Variants in MAGI2 observed in about 807,000 individuals in gnomAD.
MAGI2 encodes membrane associated guanylate kinase, WW and PDZ domain containing 2, also known as membrane-associated guanylate kinase, WW and PDZ domain-containing protein 2.
MAGI2 carries 35 observed loss-of-function variants against 133.3 expected under a neutral mutation model. The observed-to-expected ratio is 0.26, with a 90% CI of 0.20 to 0.35. MAGI2 has a LOEUF of 0.35. Ranked by LOEUF, MAGI2 falls within the 10% of genes least tolerant of loss-of-function variation. MAGI2 has a pLI of 1.00. For missense variants in MAGI2, 1,636 were observed against 1,863.4 expected, an observed-to-expected ratio of 0.88 and a Z score of 2.25; for synonymous variants, 729 against 710.6, an observed-to-expected ratio of 1.03 and a Z score of -0.41.
At chr7:78,212,213 G>C (rs965399302) in intron 10 of MAGI2, among the ~76,000 whole-genome samples, 1 of 152,170 alleles carries the variant, frequency 6.6e-6, no homozygotes, top group Admixed American at 6.5e-5. Flanking sequence ...TGTGATAGGT[G>C]GAACAGTGGC....
At chr7:78,767,933 A>C (rs1442011358) in intron 2 of MAGI2, among the ~76,000 whole-genome samples, 1 of 152,198 alleles carries the variant, frequency 6.6e-6, no homozygotes, top group Non-Finnish European at 1.5e-5. Context: ...GTAGCACATA[A>C]ATCTCACTGC....
At chr7:78,387,256 G>T (rs1187050834) in intron 6 of MAGI2, among the ~76,000 whole-genome samples, 1 of 152,188 alleles carries the variant, frequency 6.6e-6, no homozygotes, top group Non-Finnish European at 1.5e-5. Flanking sequence ...ATTTGGAGGT[G>T]AGGACTCAGG....
At chr7:78,980,770 CGTTTTTT>C (rs991624042) in intron 2 of MAGI2, among the ~76,000 whole-genome samples, 18 of 151,246 alleles carry the variant, frequency 1.2e-4, no homozygotes, top group African/African-American at 3.9e-4. Context: ...GGTTCAGTTT[CGTTTTTT>C]GTTTTTTGTT....
chr7:79,044,190 T>C (rs1469949993), intron 1 of MAGI2, among the ~76,000 whole-genome samples: 1 of 152,106 alleles, frequency 6.6e-6, no homozygotes, highest in Non-Finnish European at 1.5e-5. Context: ...ACTAAAATAT[T>C]AGCATCCCAA....
chr7:78,069,351 T>C (rs3807756), intron 21 of MAGI2, among the ~76,000 whole-genome samples: 6,507 of 152,228 alleles, frequency 0.043, 189 homozygotes, highest in South Asian at 0.076. Flanking sequence ...TTTAAAAATA[T>C]AGAGTCCTGG....
At chr7:78,630,938 A>G (rs78757598) in intron 2 of MAGI2, among the ~76,000 whole-genome samples, 309 of 152,154 alleles carry the variant, frequency 2.0e-3, no homozygotes, top group African/African-American at 7.2e-3. Flanking sequence ...ATCCTTTGCC[A>G]TCATCCTGGG....
At chr7:78,251,274 G>C (rs1450895445) in intron 10 of MAGI2, 2 of 152,174 alleles carry the variant, frequency 1.3e-5, no homozygotes, top group Non-Finnish European at 2.9e-5. Context: ...CCTAAAATCA[G>C]ATGTAATGAT....
At chr7:79,061,670 A>G (rs1196076825) in intron 1 of MAGI2, among the ~76,000 whole-genome samples, 2 of 152,128 alleles carry the variant, frequency 1.3e-5, no homozygotes, top group African/African-American at 4.8e-5. Flanking sequence ...TCTACTTTGT[A>G]TGCCAATAAC....
chr7:78,802,328 T>C (rs1583948686), intron 2 of MAGI2, among the ~76,000 whole-genome samples: 1 of 152,212 alleles, frequency 6.6e-6, no homozygotes, highest in Non-Finnish European at 1.5e-5. Flanking sequence ...GTAATCTCCT[T>C]GAGGGCAAGA....
chr7:79,433,927 C>G (rs989866669), intron 1 of MAGI2, among the ~76,000 whole-genome samples: 16 of 152,234 alleles, frequency 1.1e-4, no homozygotes, highest in African/African-American at 3.9e-4. Context: ...ATGGAATAAA[C>G]TTATTTCTGA....
intron 9 of MAGI2, among the ~76,000 whole-genome samples, chr7:78,274,118 T>C (rs1412086737): frequency 1.3e-5 from 2 of 152,208 alleles, no homozygotes; most frequent in Non-Finnish European, 2.9e-5. Flanking sequence ...GGATGGAGTT[T>C]CTGAGTGGAT....
At chr7:79,424,020 A>G (rs755734697) in intron 1 of MAGI2, among the ~76,000 whole-genome samples, 1 of 152,136 alleles carries the variant, frequency 6.6e-6, no homozygotes, top group Non-Finnish European at 1.5e-5. Flanking sequence ...GGGAATGCCA[A>G]TATGAAACAC....
chr7:78,104,479 C>T (rs1437488317), intron 20 of MAGI2, among the ~76,000 whole-genome samples: 2 of 151,886 alleles, frequency 1.3e-5, no homozygotes, highest in African/African-American at 4.8e-5. Flanking sequence ...GCCTCGGCCT[C>T]CCAAAGTGCT....
chr7:79,102,013 C>G (rs1024536199), intron 1 of MAGI2, among the ~76,000 whole-genome samples: 3 of 151,854 alleles, frequency 2.0e-5, no homozygotes, highest in Non-Finnish European at 2.9e-5. Flanking sequence ...TTTGTTCATA[C>G]AAAAATCTAT....
intron 16 of MAGI2, among the ~76,000 whole-genome samples, chr7:78,146,435 T>A (rs1823313558): frequency 6.6e-6 from 1 of 152,128 alleles, no homozygotes; most frequent in African/African-American, 2.4e-5. Context: ...AATATTTTGG[T>A]GCCCCAGTTA....
chr7:79,202,516 C>T (rs556080988), intron 1 of MAGI2, among the ~76,000 whole-genome samples: 1 of 151,934 alleles, frequency 6.6e-6, no homozygotes, highest in South Asian at 2.1e-4. Flanking sequence ...CTGTGAGTTA[C>T]GAACTTCATA....
intron 9 of MAGI2, among the ~76,000 whole-genome samples, chr7:78,293,256 C>T (rs937786755): frequency 1.3e-5 from 2 of 152,118 alleles, no homozygotes; most frequent in African/African-American, 4.8e-5. Flanking sequence ...CAAACCACCC[C>T]ATCGAAAAGT....
intron 2 of MAGI2, among the ~76,000 whole-genome samples, chr7:78,653,065 C>T (rs549228709): frequency 1.6e-4 from 24 of 152,212 alleles, no homozygotes; most frequent in African/African-American, 2.6e-4. Context: ...CAGAGAAATG[C>T]GAATCAAAAC....
chr7:79,057,910 G>C (rs1245207601), intron 1 of MAGI2, among the ~76,000 whole-genome samples: 1 of 151,618 alleles, frequency 6.6e-6, no homozygotes, highest in Admixed American at 6.6e-5. Flanking sequence ...ATGGGCAGGT[G>C]ACTGTAAGTA....
Sources: allele counts gnomAD v4.1 joint callset (sites outside exome capture counted in the v4.1 genomes callset), GRCh38; gene constraint gnomAD v4.1.1; transcripts MANE v1.5; gene names NCBI Gene and HGNC (gene_info 2026-07-23, HGNC 2026-07-21).